The following KIAA1328 variants were observed in gnomAD, a reference collection of about 807,000 sequenced individuals.
KIAA1328 encodes the protein protein hinderin.
A neutral mutation model predicts 68.1 loss-of-function variants in KIAA1328; 52 were observed. The observed-to-expected ratio is 0.76, with a 90% CI of 0.61 to 0.96. The LOEUF (loss-of-function observed/expected upper bound fraction) is 0.96. Ranked by LOEUF, KIAA1328 falls within the 40% of genes least tolerant of loss-of-function variation. KIAA1328 has a pLI of 0.00. For synonymous variants in KIAA1328, 232 were observed against 239.4 expected, an observed-to-expected ratio of 0.97 and a Z score of 0.28; for missense variants, 641 against 677.6, an observed-to-expected ratio of 0.95 and a Z score of 0.60.
chr18:36,961,832 G>A (rs915468693), intron 6 of KIAA1328, among the ~76,000 whole-genome samples: 2 of 152,116 alleles, frequency 1.3e-5, no homozygotes, highest in Non-Finnish European at 2.9e-5. Context: ...ACATGGAAGG[G>A]AACAACTGGT....
At chr18:36,956,712 G>T (rs1206071278) in intron 5 of KIAA1328, among the ~76,000 whole-genome samples, 1 of 152,154 alleles carries the variant, frequency 6.6e-6, no homozygotes, top group Non-Finnish European at 1.5e-5. Context: ...AATTGTGCTT[G>T]ATTTTTCCAG....
At chr18:36,902,079 CT>C (rs1398209450) in intron 5 of KIAA1328, 2 of 151,762 alleles carry the variant, frequency 1.3e-5, no homozygotes. Context: ...ATTGGATGTG[CT>C]CTTCTATCTA....
chr18:37,172,746 A>G (rs1249941452), intron 8 of KIAA1328, among the ~76,000 whole-genome samples: 1 of 152,186 alleles, frequency 6.6e-6, no homozygotes, highest in Admixed American at 6.5e-5. Flanking sequence ...CAAAATCTCT[A>G]GTTACTCTGT....
chr18:36,960,940 G>A (rs60932967), intron 6 of KIAA1328, among the ~76,000 whole-genome samples: 16,236 of 152,180 alleles, frequency 0.11, 1,094 homozygotes, highest in Non-Finnish European at 0.13. Flanking sequence ...CGCCAGCAAT[G>A]GAACAAAGCT....
At chr18:37,050,283 A>G (rs2055640651) in intron 6 of KIAA1328, among the ~76,000 whole-genome samples, 1 of 152,114 alleles carries the variant, frequency 6.6e-6, no homozygotes, top group Admixed American at 6.6e-5. Context: ...TCATTTTTTT[A>G]TGTTGCGTCC....
At chr18:37,010,333 C>T (rs1460986551) in intron 6 of KIAA1328, among the ~76,000 whole-genome samples, 1 of 149,800 alleles carries the variant, frequency 6.7e-6, no homozygotes, top group Admixed American at 6.7e-5. Context: ...GTCCCAGCTA[C>T]TCGGGAGGCT....
intron 5 of KIAA1328, among the ~76,000 whole-genome samples, chr18:36,923,269 A>C (rs1231256807): frequency 1.3e-5 from 2 of 152,180 alleles, no homozygotes; most frequent in Non-Finnish European, 2.9e-5. Context: ...TAAAAGCAAA[A>C]CAAATGAAAC....
At chr18:36,870,924 G>C (rs2047922389) in intron 4 of KIAA1328, among the ~76,000 whole-genome samples, 2 of 152,230 alleles carry the variant, frequency 1.3e-5, no homozygotes, top group African/African-American at 2.4e-5. Context: ...AATGCCCAAG[G>C]GGCTCCCCAC....
chr18:37,216,783 T>C (rs1468040365), intron 9 of KIAA1328, among the ~76,000 whole-genome samples: 1 of 152,092 alleles, frequency 6.6e-6, no homozygotes, highest in East Asian at 1.9e-4. Flanking sequence ...TTGTACTCTC[T>C]GAGGACTTGC....
intron 4 of KIAA1328, among the ~76,000 whole-genome samples, chr18:36,855,683 T>C (rs932927339): frequency 1.1e-4 from 17 of 152,050 alleles, no homozygotes; most frequent in African/African-American, 4.1e-4. Flanking sequence ...TTTTTTATTT[T>C]GTTGCTTGTG....
At chr18:36,889,845 A>G (rs1023346675) in intron 5 of KIAA1328, among the ~76,000 whole-genome samples, 50 of 152,142 alleles carry the variant, frequency 3.3e-4, no homozygotes, top group African/African-American at 1.1e-3. Context: ...TTTTCATTAG[A>G]TTATGCAAGG....
At chr18:36,958,995 TG>T (rs2051540946) in intron 5 of KIAA1328, among the ~76,000 whole-genome samples, 1 of 152,220 alleles carries the variant, frequency 6.6e-6, no homozygotes, top group Non-Finnish European at 1.5e-5. Context: ...CAGCTTGTTT[TG>T]TTTTTTTAAT....
At chr18:37,020,672 CT>C (rs1363953103) in intron 6 of KIAA1328, among the ~76,000 whole-genome samples, 6 of 152,108 alleles carry the variant, frequency 3.9e-5, no homozygotes, top group African/African-American at 1.2e-4. Context: ...GAATTTAATC[CT>C]GTCTCTTGGC....
At chr18:36,971,992 A>G (rs2052238764) in intron 6 of KIAA1328, among the ~76,000 whole-genome samples, 1 of 152,224 alleles carries the variant, frequency 6.6e-6, no homozygotes. Context: ...CTGCATATGT[A>G]CAGTGAACCT....
intron 5 of KIAA1328, among the ~76,000 whole-genome samples, chr18:36,947,423 G>A (rs1371804660): frequency 6.6e-6 from 1 of 152,156 alleles, no homozygotes; most frequent in East Asian, 1.9e-4. Context: ...TACATGTAAA[G>A]TGTACATTGA....
chr18:37,054,890 CAT>C (rs1289915956), intron 6 of KIAA1328, among the ~76,000 whole-genome samples: 2 of 152,218 alleles, frequency 1.3e-5, no homozygotes, highest in Non-Finnish European at 2.9e-5. Context: ...CAGAGGTACA[CAT>C]ATCCTAGCAT....
intron 6 of KIAA1328, among the ~76,000 whole-genome samples, chr18:36,987,233 GAACA>G (rs1183193668): frequency 1.1e-5 from 1 of 91,584 alleles, no homozygotes; most frequent in African/African-American, 3.6e-5. Flanking sequence ...ACTATCGCAA[GAACA>G]AAAAACCAAA....
intron 9 of KIAA1328, among the ~76,000 whole-genome samples, chr18:37,201,676 A>G (rs2060117218): frequency 6.6e-6 from 1 of 152,194 alleles, no homozygotes; most frequent in Non-Finnish European, 1.5e-5. Context: ...AGACTTTTAA[A>G]AACCTCTCAA....
In KIAA1328 at chr18:37,223,047, A is replaced by AGGGGGGC; in HGVS notation, c.*820_*821insGGGGGGC. On this transcript the variant is annotated 3_prime_UTR_variant, in exon 10 of 10. Transcript: ENST00000280020. ...ATTTACCCAAGTGTTCAGCTTATTC[A>AGGGGGGC]CCCCACCCCCCCACCCCCCATCACA... 1 of 430,300 alleles carries AGGGGGGC rather than the reference A, an allele frequency of 2.3e-6. No homozygotes were observed. Among genetic ancestry groups the AGGGGGGC allele is most frequent in the Non-Finnish European group, 2.9e-6 (1 of 349,446 alleles). The allele number at this position is 430,300 out of a possible 1,614,324, so 26.7% of individuals were successfully genotyped here.
Sources: allele counts gnomAD v4.1 joint callset (sites outside exome capture counted in the v4.1 genomes callset), GRCh38; gene constraint gnomAD v4.1.1; transcripts MANE v1.5; gene names NCBI Gene and HGNC (gene_info 2026-07-23, HGNC 2026-07-21).